The following FRAS1 variants were observed in gnomAD, a reference collection of about 807,000 sequenced individuals.
FRAS1 encodes Fraser extracellular matrix complex subunit 1.
Under a neutral mutation model 435.2 loss-of-function variants are expected in FRAS1, and 290 were observed. The ratio of observed to expected loss-of-function variants is 0.67; its 90% CI spans 0.61 to 0.73. FRAS1 has a LOEUF of 0.73. Ranked by LOEUF, FRAS1 falls within the 30% of genes least tolerant of loss-of-function variation. The pLI is 0.00. For missense variants in FRAS1, 4,860 were observed against 5,001.5 expected (o/e 0.97, Z 0.85); for synonymous variants, 1,800 against 1,851.0 (o/e 0.97, Z 0.71).
chr4:78,528,728 G>A (rs1439745214), intron 70 of FRAS1, among the ~76,000 whole-genome samples: 4 of 152,114 alleles, frequency 2.6e-5, no homozygotes, highest in African/African-American at 7.2e-5. Flanking sequence ...CTACATGTAC[G>A]AGCTTTATAT....
At chr4:78,172,834 C>A (rs1183612270) in intron 2 of FRAS1, among the ~76,000 whole-genome samples, 1 of 151,240 alleles carries the variant, frequency 6.6e-6, no homozygotes, top group African/African-American at 2.4e-5. Flanking sequence ...TTGTGGAGTT[C>A]TTGATTGAAG....
chr4:78,330,856 G>A (rs778097207), intron 18 of FRAS1, among the ~76,000 whole-genome samples: 4 of 152,212 alleles, frequency 2.6e-5, no homozygotes, highest in Non-Finnish European at 4.4e-5. Context: ...CTTGCCTTGT[G>A]ATATTCTATT....
At chr4:78,338,309 A>G (rs1730259398) in intron 20 of FRAS1, among the ~76,000 whole-genome samples, 1 of 152,154 alleles carries the variant, frequency 6.6e-6, no homozygotes, top group African/African-American at 2.4e-5. Flanking sequence ...CAGATCTAAA[A>G]AAAAAAATTA....
intron 2 of FRAS1, among the ~76,000 whole-genome samples, chr4:78,168,010 G>A (rs1276387807): frequency 6.6e-6 from 1 of 151,676 alleles, no homozygotes. Context: ...CCTAATTTTT[G>A]TGTGTCTCTA....
At chr4:78,482,098 A>C (rs1720029396) in intron 57 of FRAS1, 134 bp downstream of exon 57, 1 of 952,278 alleles carries the variant, frequency 1.1e-6, no homozygotes, top group East Asian at 2.6e-5. Flanking sequence ...ACACACATAC[A>C]TAAACAAGAG....
chr4:78,209,981 G>A (rs1468151783), intron 2 of FRAS1, among the ~76,000 whole-genome samples: 1 of 152,138 alleles, frequency 6.6e-6, no homozygotes, highest in Non-Finnish European at 1.5e-5. Context: ...GGTTCAAATA[G>A]CAGAGTTGCC....
intron 2 of FRAS1, among the ~76,000 whole-genome samples, chr4:78,182,958 G>T (rs17003028): frequency 0.33 from 49,714 of 150,692 alleles, 8,376 homozygotes; most frequent in African/African-American, 0.37. Flanking sequence ...ACAAAGATGA[G>T]AATGGATGAG....
intron 20 of FRAS1, among the ~76,000 whole-genome samples, chr4:78,355,761 A>G (rs1730827780): frequency 6.6e-6 from 1 of 152,210 alleles, no homozygotes; most frequent in South Asian, 2.1e-4. Flanking sequence ...AATTGTTTTC[A>G]GTATCACCTG....
At chr4:78,324,657 A>G (rs1729644437) in intron 18 of FRAS1, among the ~76,000 whole-genome samples, 1 of 150,668 alleles carries the variant, frequency 6.6e-6, no homozygotes, top group African/African-American at 2.4e-5. Context: ...AATATAGGAC[A>G]TAGTTGCCCA....
intron 1 of FRAS1, among the ~76,000 whole-genome samples, chr4:78,065,721 G>T (rs960088648): frequency 1.3e-5 from 2 of 152,086 alleles, no homozygotes; most frequent in Non-Finnish European, 2.9e-5. Flanking sequence ...TGTATTTATA[G>T]CATGTCGTTA....
intron 33 of FRAS1, among the ~76,000 whole-genome samples, chr4:78,420,170 C>T (rs951138262): frequency 6.6e-6 from 1 of 152,144 alleles, no homozygotes; most frequent in Non-Finnish European, 1.5e-5. Context: ...ACCACTGCCC[C>T]AAATGTAATC....
At position 78,237,515 on chromosome 4, in the gene FRAS1, C is replaced by T. The variant is rs369132057; in HGVS notation, c.114C>T (p.Ala38=). The T allele has an allele frequency of 2.3e-5, 37 of 1,612,492 alleles. No individual in the cohort carries two copies. Among genetic ancestry groups the T allele is most frequent in the Non-Finnish European group, 3.0e-5 (35 of 1,178,936 alleles). Reference sequence around the variant, plus strand: ...GAGCTTATGCCTCTTTACAGGATGCCACAATTTGGAAGCCCGATTCATGCC... The same window carrying T: ...GAGCTTATGCCTCTTTACAGGATGCTACAATTTGGAAGCCCGATTCATGCC... ...CVYQDSLLAD[A]TIWKPDSCQS... The change falls in exon 3 of 74, where the codon GCC becomes GCT. Residue 38 remains alanine (A), a synonymous_variant. Coordinates refer to ENST00000512123, the MANE Select transcript of FRAS1 (RefSeq NM_025074.7).
intron 32 of FRAS1, among the ~76,000 whole-genome samples, chr4:78,416,526 G>A (rs1733561933): frequency 6.6e-6 from 1 of 152,006 alleles, no homozygotes; most frequent in African/African-American, 2.4e-5. Context: ...AACACCCAGT[G>A]TCTGAGGATA....
intron 2 of FRAS1, among the ~76,000 whole-genome samples, chr4:78,125,254 G>A (rs1719279068): frequency 6.6e-6 from 1 of 152,208 alleles, no homozygotes; most frequent in Non-Finnish European, 1.5e-5. Flanking sequence ...TTACCCAGTA[G>A]TCATTCAGGA....
At chr4:78,395,638 C>T (rs78721897) in intron 29 of FRAS1, among the ~76,000 whole-genome samples, 2,513 of 152,012 alleles carry the variant, frequency 0.017, 66 homozygotes, top group African/African-American at 0.053. Context: ...ATGTTTTTGA[C>T]TTCAAAGCTA....
chr4:78,294,475 G>A (rs749552577), intron 14 of FRAS1, among the ~76,000 whole-genome samples: 7 of 152,168 alleles, frequency 4.6e-5, no homozygotes, highest in Non-Finnish European at 8.8e-5. Flanking sequence ...TACCTATGTT[G>A]TCGATTTAGG....
intron 2 of FRAS1, among the ~76,000 whole-genome samples, chr4:78,225,900 A>G (rs1724249112): frequency 6.6e-6 from 1 of 152,102 alleles, no homozygotes; most frequent in Non-Finnish European, 1.5e-5. Context: ...CATTATAATT[A>G]TTGATTAGGT....
intron 2 of FRAS1, among the ~76,000 whole-genome samples, chr4:78,088,485 A>C (rs1438367058): frequency 6.6e-6 from 1 of 152,010 alleles, no homozygotes; most frequent in African/African-American, 2.4e-5. Flanking sequence ...ATCAGAGTGA[A>C]CAGGCAACCT....
chr4:78,461,605 A>G (rs1217806841), intron 47 of FRAS1, among the ~76,000 whole-genome samples: 1 of 152,236 alleles, frequency 6.6e-6, no homozygotes, highest in Non-Finnish European at 1.5e-5. Flanking sequence ...GAATTGGGAA[A>G]GTCGCACTAA....
Sources: allele counts gnomAD v4.1 joint callset (sites outside exome capture counted in the v4.1 genomes callset), GRCh38; gene constraint gnomAD v4.1.1; transcripts MANE v1.5; gene names NCBI Gene and HGNC (gene_info 2026-07-23, HGNC 2026-07-21).